The following ATP6V1C2 variants were observed in gnomAD, a reference collection of about 807,000 sequenced individuals.
The protein encoded by ATP6V1C2 is V-type proton ATPase subunit C 2.
A neutral mutation model predicts 56.8 loss-of-function variants in ATP6V1C2; 45 were observed. The observed-to-expected ratio is 0.79, with a 90% CI of 0.62 to 1.02. The LOEUF is 1.02. ATP6V1C2 is among the 50% of genes least tolerant of loss of function. The pLI, the probability that ATP6V1C2 is intolerant of heterozygous loss-of-function variation, is 0.00. For missense variants in ATP6V1C2, 463 were observed against 519.7 expected, an observed-to-expected ratio of 0.89 and a Z score of 1.06; for synonymous variants, 220 against 201.3, an observed-to-expected ratio of 1.09 and a Z score of -0.79.
At chr2:10,778,504 A>G (rs1437101764) in intron 11 of ATP6V1C2, 68 bp from the exon 12 acceptor site, 5 of 1,479,634 alleles carry the variant, frequency 3.4e-6, no homozygotes, top group Non-Finnish European at 3.8e-6. Flanking sequence ...TCAAAACCCA[A>G]GTCCTTTCTT....
chr2:10,723,056 A>C, intron 2 of ATP6V1C2, 78 bp downstream of exon 2: 1 of 1,538,318 alleles, frequency 6.5e-7, no homozygotes, highest in Non-Finnish European at 8.8e-7. Context: ...TTGCTACCTC[A>C]GGAAGCCAAG....
In ATP6V1C2 at chr2:10,763,299, T is replaced by C. The variant is rs980087910; in HGVS notation, c.284-1032T>C. On this transcript the variant is annotated intron_variant, in intron 4 of 13. Coordinates refer to ENST00000272238, the MANE Select transcript of ATP6V1C2 (RefSeq NM_001039362.2). The surrounding 1 kb of genome is among the most constrained non-coding windows in gnomAD (Gnocchi z 4.2). ...CCTTAGCCTCCACGTGAATACCATG[T>C]CTGTGTCCCAGTGAAGGGACACGAT... 6.6e-6 allele frequency among the ~76,000 whole-genome samples: 1 copy of C among 152,108 alleles called. No individual in the cohort carries two copies. Among genetic ancestry groups the C allele is most frequent in the Admixed American group, 6.5e-5 (1 of 15,274 alleles).
rs570561153 is a variant in ATP6V1C2, at chr2:10,765,692, T to G, written c.378+1267T>G. Reference sequence around the variant, plus strand: ...AAGGAGGGTGTGCCCAGAGCACCTGTGCCAGGTGTGCCTTTCAGAGGGCGC... The same window carrying G: ...AAGGAGGGTGTGCCCAGAGCACCTGGGCCAGGTGTGCCTTTCAGAGGGCGC... On this transcript the variant is annotated intron_variant, in intron 5 of 13. Transcript: ENST00000272238. Among the ~76,000 whole-genome samples the G allele has an allele frequency of 1.2e-4, 19 of 152,328 alleles. No individual in the cohort carries two copies. In the East Asian group the frequency reaches 3.7e-3, roughly 29 times the overall value.
chr2:10,781,036 G>A (rs1461520602), intron 12 of ATP6V1C2, among the ~76,000 whole-genome samples: 4 of 152,150 alleles, frequency 2.6e-5, no homozygotes, highest in Admixed American at 6.5e-5. Context: ...GTGAGCCACT[G>A]CACCCGGCAT....
chr2:10,772,575 ATC>A lies in ATP6V1C2; in HGVS notation c.610_611del (p.Ser204ArgfsTer13). On this transcript the variant is annotated frameshift_variant, in exon 8 of 14. Transcript: ENST00000272238. LOFTEE classifies it high-confidence loss of function. ...NYSQWQKTYESLSDMVVPRST... is the reference protein window; with the variant it reads ...NYSQWQKTYEXLSDMVVPRST... ...ACTCACAATGGCAAAAAACCTACGA[ATC>A]TCTCTCAGACATGGTGGTCCCTCGA... 1 of 1,613,994 alleles carries A rather than the reference ATC, an allele frequency of 6.2e-7. No individual in the cohort carries two copies. The highest frequency in any genetic ancestry group is 8.5e-7 in the Non-Finnish European group (1 of 1,179,970).
intron 3 of ATP6V1C2, among the ~76,000 whole-genome samples, chr2:10,752,024 A>T (rs1663245995): frequency 6.6e-6 from 1 of 152,184 alleles, no homozygotes; most frequent in African/African-American, 2.4e-5. Flanking sequence ...ATACCACTGT[A>T]TTCCCATCCT....
chr2:10,769,266 C>A (rs530270829), intron 6 of ATP6V1C2, among the ~76,000 whole-genome samples: 138 of 152,318 alleles, frequency 9.1e-4, no homozygotes, highest in Non-Finnish European at 1.5e-3. Flanking sequence ...CCTGAAGAAC[C>A]ACTGTGTGGG....
intron 5 of ATP6V1C2, among the ~76,000 whole-genome samples, chr2:10,766,388 T>C (rs1412066468): frequency 4.6e-5 from 7 of 152,190 alleles, no homozygotes; most frequent in Admixed American, 4.6e-4. Flanking sequence ...CCAGGCCACT[T>C]TGCTCAGAGA....
Position 10,780,832 on chromosome 2 carries a change from C to G in ATP6V1C2, c.1062-1411C>G, listed in dbSNP as rs1345599641. 1.3e-5 allele frequency among the ~76,000 whole-genome samples: 2 copies of G among 152,082 alleles called. No individual in the cohort carries two copies. The highest frequency in any genetic ancestry group is 4.8e-5 in the African/African-American group (2 of 41,420). On this transcript the variant is annotated intron_variant, in intron 12 of 13. Transcript: ENST00000272238. This position sits in a 1 kb window ranked among gnomAD's most constrained non-coding sequence, Gnocchi z 4.1. The stretch of plus-strand genomic sequence containing the variant: ...AATCTCAGCTCACTGCGACCTCCAC[C>G]TCCCAGGTTCAAGCAATTCTCCTGC...
chr2:10,773,405 T>C (rs760566892), intron 8 of ATP6V1C2, among the ~76,000 whole-genome samples: 8 of 152,126 alleles, frequency 5.3e-5, no homozygotes, highest in Non-Finnish European at 1.0e-4. Flanking sequence ...TTTTTTGAGA[T>C]GGAGTCTCAC....
At position 10,783,206 on chromosome 2, in the gene ATP6V1C2, T is replaced by A; in HGVS notation, c.1227T>A (p.Asn409Lys). 1.6e-5 allele frequency: 26 copies of A among 1,613,742 alleles called. No individual in the cohort carries two copies. The highest frequency in any genetic ancestry group is 2.2e-5 in the Non-Finnish European group (26 of 1,179,740). ...ASVEIPGLQL[N>K]NQDYFPYVYF... Reference sequence around the variant, plus strand: ...TGGAGATCCCGGGACTGCAACTCAATAACCAAGACTATTTTCCTTATGTCT... The same window carrying A: ...TGGAGATCCCGGGACTGCAACTCAAAAACCAAGACTATTTTCCTTATGTCT... The change falls in exon 14 of 14, where the codon AAT (asparagine) becomes AAA (lysine). Residue 409 changes from asparagine (N) to lysine (K), a missense_variant. Transcript: ENST00000272238.
intron 4 of ATP6V1C2, among the ~76,000 whole-genome samples, chr2:10,764,062 C>T (rs1048272867): frequency 6.6e-6 from 1 of 152,202 alleles, no homozygotes; most frequent in African/African-American, 2.4e-5. Flanking sequence ...TCACACAGTC[C>T]AGTATTTTGC....
chr2:10,725,440 G>A (rs1203538465), intron 2 of ATP6V1C2, among the ~76,000 whole-genome samples: 1 of 148,136 alleles, frequency 6.8e-6, no homozygotes, highest in Non-Finnish European at 1.5e-5. Context: ...GGACCTAGGT[G>A]AATGATGAAG....
chr2:10,730,117 T>C (rs1411317095), intron 3 of ATP6V1C2, among the ~76,000 whole-genome samples: 1 of 152,182 alleles, frequency 6.6e-6, no homozygotes, highest in African/African-American at 2.4e-5. Flanking sequence ...GAACATACTT[T>C]GAGTATTTCT....
chr2:10,729,321 G>C (rs892356580), intron 3 of ATP6V1C2, among the ~76,000 whole-genome samples: 1 of 151,794 alleles, frequency 6.6e-6, no homozygotes, highest in African/African-American at 2.4e-5. Flanking sequence ...ATGCCAACAT[G>C]CCTAGCTAAT....
chr2:10,745,543 G>A (rs1266369473), intron 3 of ATP6V1C2, among the ~76,000 whole-genome samples: 1 of 152,014 alleles, frequency 6.6e-6, no homozygotes, highest in African/African-American at 2.4e-5. Flanking sequence ...TTTTCACCAT[G>A]TTGGCCAGGC....
chr2:10,782,263 T>TC lies in ATP6V1C2; in HGVS notation c.1084dup (p.Gln362ProfsTer9). 4 of 1,614,174 alleles carry TC rather than the reference T, an allele frequency of 2.5e-6. No homozygotes were observed. Among genetic ancestry groups the TC allele is most frequent in the Non-Finnish European group, 3.4e-6 (4 of 1,180,034 alleles). ...AAAAGGTATGGACTACCAGTGAACT[T>TC]CCAGGCAGTGCTCCTGCAGCCGCAT... On this transcript the variant is annotated frameshift_variant, in exon 13 of 14. Coordinates refer to ENST00000272238, the MANE Select transcript of ATP6V1C2 (RefSeq NM_001039362.2). LOFTEE classifies it high-confidence loss of function.
At chr2:10,758,751 C>T (rs1663706247) in intron 4 of ATP6V1C2, among the ~76,000 whole-genome samples, 1 of 151,328 alleles carries the variant, frequency 6.6e-6, no homozygotes, top group South Asian at 2.1e-4. Context: ...CAACCTCTGC[C>T]TCCTGGGTTC....
intron 11 of ATP6V1C2, 125 bp from the exon 12 acceptor site, chr2:10,778,447 C>G (rs1665138377): frequency 2.4e-6 from 2 of 839,718 alleles, no homozygotes; most frequent in South Asian, 1.6e-5. Flanking sequence ...GACCGACTCT[C>G]TGCTTCTGGC....
Sources: gnomAD v4.1 joint callset for allele counts (sites outside exome capture counted in the v4.1 genomes callset) on GRCh38, gnomAD v4.1.1 for gene constraint, Gnocchi (gnomAD v3.1) non-coding constraint, MANE v1.5 for transcripts, NCBI Gene and HGNC (gene_info 2026-07-23, HGNC 2026-07-21) for gene names.